The following GABRB2 variants were observed in gnomAD, a reference collection of about 807,000 sequenced individuals.
The protein encoded by GABRB2 is gamma-aminobutyric acid type A receptor subunit beta2, also known as gamma-aminobutyric acid receptor subunit beta-2.
Under a neutral mutation model 54.7 loss-of-function variants are expected in GABRB2, and 16 were observed. That is an observed-to-expected ratio of 0.29 (90% CI 0.20 to 0.44). The LOEUF is 0.44. GABRB2 is among the 20% of genes least tolerant of loss of function. The probability of loss-of-function intolerance (pLI) is 1.00; values close to 1 mark genes in which losing one functional copy is unlikely to be tolerated. For missense variants in GABRB2, 355 were observed against 644.0 expected (o/e 0.55, Z 4.86); for synonymous variants, 244 against 233.8 (o/e 1.04, Z -0.40).
chr5:161,389,703 T>C (rs1755760809), intron 5 of GABRB2, among the ~76,000 whole-genome samples: 1 of 151,800 alleles, frequency 6.6e-6, no homozygotes, highest in Non-Finnish European at 1.5e-5. Context: ...TGAGGAAATC[T>C]TTTTTCTAAA....
At chr5:161,368,044 T>C (rs576043972) in intron 5 of GABRB2, among the ~76,000 whole-genome samples, 4 of 151,970 alleles carry the variant, frequency 2.6e-5, no homozygotes, top group South Asian at 4.2e-4. Context: ...GGTTGGTCTA[T>C]GTGACCCCCA....
intron 8 of GABRB2, among the ~76,000 whole-genome samples, chr5:161,327,978 C>T (rs1010590609): frequency 6.6e-6 from 1 of 152,198 alleles, no homozygotes. Context: ...TGTGGACCTC[C>T]TCTAACCTTT....
intron 3 of GABRB2, among the ~76,000 whole-genome samples, chr5:161,505,254 G>A (rs938754900): frequency 5.3e-5 from 8 of 151,684 alleles, no homozygotes; most frequent in South Asian, 2.1e-4. Context: ...TCAGCCTCCC[G>A]AGAGGAGCTG....
intron 3 of GABRB2, among the ~76,000 whole-genome samples, chr5:161,481,674 G>C (rs10068667): frequency 0.17 from 26,117 of 151,868 alleles, 3,157 homozygotes; most frequent in African/African-American, 0.34. Flanking sequence ...ACCATGTTTA[G>C]CTTTAATCCA....
intron 3 of GABRB2, among the ~76,000 whole-genome samples, chr5:161,527,101 G>T (rs552470212): frequency 6.6e-6 from 1 of 151,356 alleles, no homozygotes; most frequent in East Asian, 1.9e-4. Context: ...TACATTTAAC[G>T]TTAGAGTAAT....
intron 5 of GABRB2, among the ~76,000 whole-genome samples, chr5:161,378,393 A>G (rs879467329): frequency 6.6e-6 from 1 of 152,122 alleles, no homozygotes; most frequent in Non-Finnish European, 1.5e-5. Context: ...TTCTATATCA[A>G]TTTTGTTTTC....
intron 5 of GABRB2, among the ~76,000 whole-genome samples, chr5:161,339,024 G>A (rs1396043724): frequency 6.6e-6 from 1 of 152,074 alleles, no homozygotes; most frequent in Non-Finnish European, 1.5e-5. Context: ...GAGGCTCCAT[G>A]TCAAATGTAA....
At chr5:161,323,536 T>C (rs530801804) in intron 9 of GABRB2, among the ~76,000 whole-genome samples, 2 of 152,318 alleles carry the variant, frequency 1.3e-5, no homozygotes, top group East Asian at 3.9e-4. Flanking sequence ...GCGCTAATTA[T>C]GGGATCTGCT....
chr5:161,317,530 C>G (rs1208835827), intron 9 of GABRB2, among the ~76,000 whole-genome samples: 1 of 152,064 alleles, frequency 6.6e-6, no homozygotes, highest in African/African-American at 2.4e-5. Context: ...AAATGCAAAA[C>G]ATGAAACAAT....
intron 3 of GABRB2, among the ~76,000 whole-genome samples, chr5:161,497,243 C>T (rs1759280207): frequency 6.6e-6 from 1 of 152,074 alleles, no homozygotes; most frequent in Non-Finnish European, 1.5e-5. Context: ...GCAGCAGTGT[C>T]CCTTAGAAAC....
chr5:161,354,322 C>T (rs568394345), intron 5 of GABRB2, among the ~76,000 whole-genome samples: 2 of 152,040 alleles, frequency 1.3e-5, no homozygotes, highest in East Asian at 3.9e-4. Flanking sequence ...CAAGAATGTC[C>T]TATTTATATA....
chr5:161,346,911 C>A (rs549902775), intron 5 of GABRB2, among the ~76,000 whole-genome samples: 19 of 151,978 alleles, frequency 1.3e-4, no homozygotes, highest in Non-Finnish European at 2.8e-4. Context: ...AGAAAGGAGG[C>A]AAATATCAGC....
chr5:161,309,081 G>A (rs1261390755), intron 9 of GABRB2, among the ~76,000 whole-genome samples: 1 of 152,044 alleles, frequency 6.6e-6, no homozygotes, highest in Non-Finnish European at 1.5e-5. Flanking sequence ...CTTACAGAAT[G>A]AGAGAACATT....
intron 4 of GABRB2, among the ~76,000 whole-genome samples, chr5:161,438,397 A>G (rs186427439): frequency 5.9e-5 from 9 of 152,298 alleles, no homozygotes; most frequent in Non-Finnish European, 1.2e-4. Context: ...AATCATTTCA[A>G]ACATCTGGAA....
chr5:161,454,996 C>T (rs1347461070), intron 4 of GABRB2, among the ~76,000 whole-genome samples: 1 of 152,054 alleles, frequency 6.6e-6, no homozygotes, highest in Non-Finnish European at 1.5e-5. Context: ...AAACAGAGAT[C>T]CAATAAGGAT....
chr5:161,451,986 G>T (rs1047928076), intron 4 of GABRB2, among the ~76,000 whole-genome samples: 1 of 152,110 alleles, frequency 6.6e-6, no homozygotes, highest in Non-Finnish European at 1.5e-5. Context: ...TACTGTGTTT[G>T]TTGAAGAGTT....
At chr5:161,374,784 T>C (rs892939257) in intron 5 of GABRB2, among the ~76,000 whole-genome samples, 5 of 152,184 alleles carry the variant, frequency 3.3e-5, no homozygotes, top group Non-Finnish European at 7.3e-5. Flanking sequence ...TCTTCATGGG[T>C]ACACATAACT....
intron 3 of GABRB2, among the ~76,000 whole-genome samples, chr5:161,513,353 G>T (rs529986526): frequency 6.6e-6 from 1 of 151,858 alleles, no homozygotes; most frequent in African/African-American, 2.4e-5. Context: ...AGCACTGTTC[G>T]CAATAGCAAA....
intron 4 of GABRB2, among the ~76,000 whole-genome samples, chr5:161,432,151 C>T (rs1050863415): frequency 3.3e-5 from 5 of 152,198 alleles, no homozygotes; most frequent in African/African-American, 1.2e-4. Flanking sequence ...TTCTCTCAGT[C>T]TCCATCCTTT....
Sources: allele counts gnomAD v4.1 joint callset (sites outside exome capture counted in the v4.1 genomes callset), GRCh38; gene constraint gnomAD v4.1.1; transcripts MANE v1.5; gene names NCBI Gene and HGNC (gene_info 2026-07-23, HGNC 2026-07-21).